Variants in ZSCAN30 observed in about 807,000 individuals in gnomAD.
ZSCAN30 encodes zinc finger and SCAN domain containing 30, also known as zinc finger and SCAN domain-containing protein 30.
A neutral mutation model predicts 44.3 loss-of-function variants in ZSCAN30; 37 were observed. The observed-to-expected ratio is 0.84, with a 90% confidence interval of 0.64 to 1.10. ZSCAN30 has a LOEUF of 1.10. Ranked by LOEUF, ZSCAN30 falls within the 50% of genes least tolerant of loss-of-function variation. ZSCAN30 has a pLI of 0.00. For missense variants in ZSCAN30, 549 were observed against 582.6 expected (o/e 0.94, Z 0.59); for synonymous variants, 181 against 204.6 (o/e 0.88, Z 0.98).
chr18:35,270,256 C>G (rs1389394443), intron 1 of ZSCAN30: 1 of 7,944 alleles, frequency 1.3e-4, no homozygotes, highest in African/African-American at 3.2e-4. Flanking sequence ...TCTCTCTGTA[C>G]TATCTTTGCA....
At chr18:35,272,675 A>G (rs985512843) in intron 1 of ZSCAN30, among the ~76,000 whole-genome samples, 3 of 152,262 alleles carry the variant, frequency 2.0e-5, no homozygotes, top group Non-Finnish European at 4.4e-5. Context: ...GGTAAAACAC[A>G]CATGCCATTA....
intron 1 of ZSCAN30, among the ~76,000 whole-genome samples, chr18:35,266,510 G>A (rs1262062106): frequency 6.6e-6 from 1 of 152,104 alleles, no homozygotes; most frequent in African/African-American, 2.4e-5. Flanking sequence ...GTGACTAGAG[G>A]ATGATGGTGC....
At chr18:35,287,875 C>CT (rs61171547) in intron 1 of ZSCAN30, among the ~76,000 whole-genome samples, 41,902 of 141,064 alleles carry the variant, frequency 0.3, 6,818 homozygotes, top group Non-Finnish European at 0.37. Context: ...TCTTCCTCTT[C>CT]TTTTTTTTTT....
At position 35,271,151 on chromosome 18, in the gene ZSCAN30, T is replaced by G. The variant is rs572112358; in HGVS notation, c.-103-6696A>C. Among the ~76,000 whole-genome samples, 24 of 152,112 alleles carry G rather than the reference T, an allele frequency of 1.6e-4. 1 individual carries two copies. Among genetic ancestry groups the G allele is most frequent in the Non-Finnish European group, 3.2e-4 (22 of 67,998 alleles). ...CAAAAAGCAAAAAAACCCTCCGCAC[T>G]GTGGAAAAGGACCCCACCAGGTTCC... On this transcript the variant is annotated intron_variant, in intron 1 of 3. Transcript: ENST00000333206.
chr18:35,264,401 G>C lies in ZSCAN30; in HGVS notation c.-49C>G, dbSNP rs758465130. ...GGCTGCCCAGGTGAGGCAGGGAGGAGATGGAGATTTGCGTCTGAGAGATTC... is the reference window on the plus strand; with the variant it reads ...GGCTGCCCAGGTGAGGCAGGGAGGACATGGAGATTTGCGTCTGAGAGATTC... On this transcript the variant is annotated 5_prime_UTR_variant, in exon 2 of 4. It adds an upstream start codon to the 5' untranslated region. Transcript: ENST00000333206. 39 of 1,566,480 alleles carry C rather than the reference G, an allele frequency of 2.5e-5. No individual in the cohort carries two copies. Among genetic ancestry groups the C allele is most frequent in the Non-Finnish European group, 3.3e-5 (38 of 1,156,398 alleles).
intron 1 of ZSCAN30, among the ~76,000 whole-genome samples, chr18:35,265,297 C>A (rs1223028012): frequency 6.6e-6 from 1 of 152,198 alleles, no homozygotes; most frequent in East Asian, 1.9e-4. Flanking sequence ...AGGGAACTCA[C>A]ACTTAATAAA....
intron 3 of ZSCAN30, chr18:35,256,437 TG>T (rs1265616003): frequency 6.6e-6 from 1 of 151,942 alleles, no homozygotes; most frequent in Non-Finnish European, 1.5e-5. Flanking sequence ...GGTGCACGCC[TG>T]TAATACCAGC....
intron 1 of ZSCAN30, among the ~76,000 whole-genome samples, chr18:35,270,639 G>A (rs1198295948): frequency 6.6e-6 from 1 of 152,110 alleles, no homozygotes; most frequent in Non-Finnish European, 1.5e-5. Context: ...GGAGTGGAGT[G>A]GCACCATCTC....
At chr18:35,268,143 C>G (rs1393648001) in intron 1 of ZSCAN30, 3 of 152,354 alleles carry the variant, frequency 2.0e-5, no homozygotes, top group Admixed American at 2.0e-4. Context: ...GGGCGGGGTT[C>G]AGGGCACGCT....
At chr18:35,268,707 C>G (rs927439123) in intron 1 of ZSCAN30, 1 of 152,078 alleles carries the variant, frequency 6.6e-6, no homozygotes, top group Non-Finnish European at 1.5e-5. Flanking sequence ...ACTGTCCTTT[C>G]GAGTGGTTCA....
chr18:35,263,870 C>A (rs2044088665), intron 2 of ZSCAN30, 75 bp downstream of exon 2: 1 of 1,521,208 alleles, frequency 6.6e-7, no homozygotes. Context: ...AGAGCTGAGT[C>A]AATGCCCCAG....
At chr18:35,273,317 T>A (rs1326533238) in intron 1 of ZSCAN30, among the ~76,000 whole-genome samples, 1 of 152,218 alleles carries the variant, frequency 6.6e-6, no homozygotes, top group East Asian at 1.9e-4. Flanking sequence ...TGTGACTGGC[T>A]TATTTTACTT....
rs1042861225 is a variant in ZSCAN30 at position 35,264,199 on chromosome 18, T to C, written c.154A>G (p.Arg52Gly). 5.0e-6 allele frequency: 8 copies of C among 1,614,094 alleles called. No homozygotes were observed. Among genetic ancestry groups the C allele is most frequent in the Non-Finnish European group, 6.8e-6 (8 of 1,180,050 alleles). ...WSQEVFRQKF[R>G]QFSYSDSTGP... The stretch of plus-strand genomic sequence containing the variant: ...GTGGAGTCAGAGTAACTAAACTGCC[T>C]GAACTTCTGCCGGAATACCTCTTGG... Residue 52 changes from arginine to glycine, a missense_variant, in exon 2 of 4, where the codon AGG becomes GGG. Physicochemically the swap from Arg to Gly is moderately radical, Grantham distance 125. Transcript: ENST00000333206.
chr18:35,258,056 A>T, intron 3 of ZSCAN30: 1 of 774,052 alleles, frequency 1.3e-6, no homozygotes, highest in Non-Finnish European at 2.4e-6. Flanking sequence ...CAAGGTTGTA[A>T]AAATGGCATG....
chr18:35,286,999 C>G (rs2044564121), intron 1 of ZSCAN30, among the ~76,000 whole-genome samples: 1 of 152,026 alleles, frequency 6.6e-6, no homozygotes, highest in South Asian at 2.1e-4. Context: ...ATACAAAAAT[C>G]AATTGTATTT....
Position 35,251,117 on chromosome 18 carries a change from G to A in ZSCAN30, c.*2333C>T, listed in dbSNP as rs1442848110. The A allele has an allele frequency of 6.6e-6, 1 of 152,050 alleles. No homozygotes were observed. Among genetic ancestry groups the A allele is most frequent in the South Asian group, 2.1e-4 (1 of 4,816 alleles). The allele number at this position is 152,050 out of a possible 1,614,324, so 9.4% of individuals were successfully genotyped here. Reference sequence around the variant, plus strand: ...CTTGCATTACATTCTAATAATAAACGGTTGAAGTATAAATTTTGAAATTAG... The same window carrying A: ...CTTGCATTACATTCTAATAATAAACAGTTGAAGTATAAATTTTGAAATTAG... On this transcript the variant is annotated 3_prime_UTR_variant, in exon 4 of 4. Coordinates refer to ENST00000333206, the MANE Select transcript of ZSCAN30 (RefSeq NM_001112734.4).
chr18:35,260,575 CT>C (rs2044002884), intron 3 of ZSCAN30: 1 of 152,164 alleles, frequency 6.6e-6, no homozygotes, highest in African/African-American at 2.4e-5. Flanking sequence ...GAGATTGTTT[CT>C]CATTGTGGTC....
chr18:35,276,307 T>A (rs988627946), intron 1 of ZSCAN30, among the ~76,000 whole-genome samples: 27 of 151,720 alleles, frequency 1.8e-4, no homozygotes, highest in Non-Finnish European at 3.2e-4. Flanking sequence ...TTTTTTTTTT[T>A]AAATTACTAA....
At chr18:35,264,912 C>T (rs757406933) in intron 1 of ZSCAN30, among the ~76,000 whole-genome samples, 3 of 152,044 alleles carry the variant, frequency 2.0e-5, no homozygotes, top group African/African-American at 2.4e-5. Flanking sequence ...TTTGGGAGGC[C>T]GAGGCGGGAG....
Sources: allele counts gnomAD v4.1 joint callset (sites outside exome capture counted in the v4.1 genomes callset), GRCh38; gene constraint gnomAD v4.1.1; transcripts MANE v1.5; gene names NCBI Gene and HGNC (gene_info 2026-07-23, HGNC 2026-07-21).